DLG2: variants seen among roughly 807,000 people sequenced by gnomAD.
DLG2 encodes the protein disks large homolog 2.
In DLG2, 45 loss-of-function variants were observed where a neutral mutation model predicts 132.5. That is an observed-to-expected ratio of 0.34 (90% CI 0.27 to 0.44). The LOEUF (loss-of-function observed/expected upper bound fraction) is 0.44, where lower values mean the gene tolerates loss of function less well. Among genes scored for constraint, DLG2 ranks in the 20% least tolerant of loss-of-function variants. The pLI is 1.00. For synonymous variants in DLG2, 424 were observed against 419.6 expected, an observed-to-expected ratio of 1.01 and a Z score of -0.13; for missense variants, 1,045 against 1,196.9, an observed-to-expected ratio of 0.87 and a Z score of 1.87.
At chr11:84,368,445 G>A (rs553752209) in intron 7 of DLG2, among the ~76,000 whole-genome samples, 1 of 151,920 alleles carries the variant, frequency 6.6e-6, no homozygotes, top group East Asian at 1.9e-4. Flanking sequence ...AAGATAAACG[G>A]TCACTAAAAA....
At chr11:84,410,510 T>G (rs905261155) in intron 7 of DLG2, among the ~76,000 whole-genome samples, 2 of 151,656 alleles carry the variant, frequency 1.3e-5, no homozygotes, top group African/African-American at 4.8e-5. Context: ...AAAGAAAAAG[T>G]GTATAGAAAA....
At chr11:83,640,000 G>T (rs1470495591) in intron 18 of DLG2, among the ~76,000 whole-genome samples, 5 of 152,162 alleles carry the variant, frequency 3.3e-5, no homozygotes, top group African/African-American at 1.2e-4. Flanking sequence ...TTACTTTGGT[G>T]ACTCCTGTCA....
At chr11:83,778,545 A>C (rs2094681567) in intron 18 of DLG2, among the ~76,000 whole-genome samples, 1 of 152,138 alleles carries the variant, frequency 6.6e-6, no homozygotes, top group African/African-American at 2.4e-5. Context: ...TAATCATACA[A>C]TGAGAGGAGG....
At chr11:84,825,804 G>A (rs543105588) in intron 6 of DLG2, among the ~76,000 whole-genome samples, 1 of 151,942 alleles carries the variant, frequency 6.6e-6, no homozygotes, top group Non-Finnish European at 1.5e-5. Flanking sequence ...TGCCTCACTT[G>A]TTCACCTTCT....
intron 11 of DLG2, among the ~76,000 whole-genome samples, chr11:84,003,879 C>T (rs1053097060): frequency 2.0e-5 from 3 of 152,028 alleles, no homozygotes; most frequent in African/African-American, 7.2e-5. Context: ...TACAACCTTC[C>T]AAGGTTTAGT....
intron 18 of DLG2, among the ~76,000 whole-genome samples, chr11:83,657,538 T>C (rs1032786021): frequency 3.7e-5 from 5 of 136,960 alleles, no homozygotes; most frequent in Non-Finnish European, 7.9e-5. Context: ...TCTATTCTTT[T>C]TTTTTTTTTT....
intron 17 of DLG2, among the ~76,000 whole-genome samples, chr11:83,809,039 C>T (rs990832266): frequency 5.3e-5 from 8 of 152,080 alleles, no homozygotes; most frequent in East Asian, 1.9e-4. Context: ...GAGTGATCTG[C>T]CTCTACTTTC....
At chr11:85,015,653 A>G (rs1330021282) in intron 6 of DLG2, among the ~76,000 whole-genome samples, 2 of 152,152 alleles carry the variant, frequency 1.3e-5, no homozygotes, top group African/African-American at 4.8e-5. Flanking sequence ...CAAACACTTA[A>G]AACTCCAGCC....
chr11:85,151,550 C>T (rs895077553), intron 5 of DLG2, among the ~76,000 whole-genome samples: 14 of 152,022 alleles, frequency 9.2e-5, no homozygotes, highest in Non-Finnish European at 1.9e-4. Context: ...TAATCCATCT[C>T]GAGTTAATTT....
At chr11:84,942,310 G>C (rs545953626) in intron 6 of DLG2, among the ~76,000 whole-genome samples, 1 of 152,052 alleles carries the variant, frequency 6.6e-6, no homozygotes. Flanking sequence ...TCTTTAAGAT[G>C]AATCACTGGT....
At chr11:85,187,162 A>T (rs1433729346) in intron 4 of DLG2, among the ~76,000 whole-genome samples, 1 of 152,138 alleles carries the variant, frequency 6.6e-6, no homozygotes, top group African/African-American at 2.4e-5. Context: ...TTACTAAAAC[A>T]CTGGCCCAGG....
At chr11:84,318,853 C>CACAAA (rs1251357982) in intron 7 of DLG2, among the ~76,000 whole-genome samples, 1 of 152,056 alleles carries the variant, frequency 6.6e-6, no homozygotes, top group Non-Finnish European at 1.5e-5. Flanking sequence ...CACCGTCCAC[C>CACAAA]ACAAAACAGG....
intron 6 of DLG2, among the ~76,000 whole-genome samples, chr11:84,576,318 AT>A (rs1416202245): frequency 2.0e-5 from 3 of 152,198 alleles, no homozygotes; most frequent in Non-Finnish European, 4.4e-5. Flanking sequence ...GTATCTATTT[AT>A]CAATCTTTCT....
At chr11:85,533,599 A>C (rs548937387) in intron 3 of DLG2, among the ~76,000 whole-genome samples, 6 of 152,138 alleles carry the variant, frequency 3.9e-5, no homozygotes, top group Admixed American at 3.3e-4. Flanking sequence ...ATGGTGCTGC[A>C]ATAAACATGC....
chr11:84,990,487 G>T (rs971971192), intron 6 of DLG2, among the ~76,000 whole-genome samples: 6 of 151,866 alleles, frequency 4.0e-5, no homozygotes, highest in Non-Finnish European at 8.8e-5. Flanking sequence ...AGCCTTCATC[G>T]GACACCAAAT....
At chr11:84,531,558 A>T (rs920584224) in intron 7 of DLG2, among the ~76,000 whole-genome samples, 3 of 152,212 alleles carry the variant, frequency 2.0e-5, no homozygotes, top group African/African-American at 7.2e-5. Context: ...GAAGGTCATG[A>T]TGAAAAAAAT....
chr11:85,373,493 C>A (rs1251352820), intron 3 of DLG2, among the ~76,000 whole-genome samples: 1 of 152,162 alleles, frequency 6.6e-6, no homozygotes, highest in African/African-American at 2.4e-5. Flanking sequence ...AGATGTACTT[C>A]TTTGGAGGCA....
chr11:85,013,713 A>C (rs2059338368), intron 6 of DLG2, among the ~76,000 whole-genome samples: 1 of 150,888 alleles, frequency 6.6e-6, no homozygotes, highest in Non-Finnish European at 1.5e-5. Context: ...AAAATAAGTT[A>C]AGTTACTAAG....
chr11:83,912,714 C>T (rs75816740), intron 15 of DLG2, among the ~76,000 whole-genome samples: 2,786 of 152,118 alleles, frequency 0.018, 91 homozygotes, highest in African/African-American at 0.063. Flanking sequence ...ATGGGCAACC[C>T]GATACTGATA....
Sources: gnomAD v4.1 joint callset for allele counts (sites outside exome capture counted in the v4.1 genomes callset) on GRCh38, gnomAD v4.1.1 for gene constraint, MANE v1.5 for transcripts, NCBI Gene and HGNC (gene_info 2026-07-23, HGNC 2026-07-21) for gene names.